MEGF8: variants seen among roughly 807,000 people sequenced by gnomAD.
MEGF8 encodes the protein multiple EGF like domains 8, also known as multiple epidermal growth factor-like domains protein 8.
A neutral mutation model predicts 302.9 loss-of-function variants in MEGF8; 156 were observed. The ratio of observed to expected loss-of-function variants is 0.52; its 90% CI spans 0.45 to 0.59. MEGF8 has a LOEUF of 0.59. Among genes scored for constraint, MEGF8 ranks in the 20% least tolerant of loss-of-function variants. MEGF8 has a pLI of 0.00. For synonymous variants in MEGF8, 1,621 were observed against 1,660.5 expected, an observed-to-expected ratio of 0.98 and a Z score of 0.58; for missense variants, 3,345 against 3,964.5, an observed-to-expected ratio of 0.84 and a Z score of 4.20.
In MEGF8 at chr19:42,350,341, GC is replaced by G; in HGVS notation, c.2696del (p.Pro899HisfsTer42). The G allele has an allele frequency of 6.2e-7, 1 of 1,603,044 alleles. No homozygotes were observed. On this transcript the variant is annotated frameshift_variant, in exon 15 of 42. Transcript: ENST00000251268. LOFTEE classifies it high-confidence loss of function. The stretch of plus-strand genomic sequence containing the variant: ...CTGCTGGTGCTGGTGCCTACCCTCT[GC>G]CCACTCTGCGAGGAGCATCGGGACT... ...GSLLVLVPTLCPLCEEHRDCH... is the reference protein window; with the variant it reads ...GSLLVLVPTLXPLCEEHRDCH...
chr19:42,346,021 C>G (rs987234024), intron 12 of MEGF8, among the ~76,000 whole-genome samples: 2 of 152,160 alleles, frequency 1.3e-5, no homozygotes, highest in African/African-American at 2.4e-5. Context: ...CTGCCTCAGC[C>G]TGCTGAGTAG....
chr19:42,372,062 A>ACAG (rs2039699252), intron 41 of MEGF8, among the ~76,000 whole-genome samples: 1 of 149,204 alleles, frequency 6.7e-6, no homozygotes, highest in African/African-American at 2.5e-5. Context: ...AACAACAACA[A>ACAG]CAACAACAAC....
chr19:42,331,112 G>A lies in MEGF8; in HGVS notation c.188-2493G>A, dbSNP rs182502199. Among the ~76,000 whole-genome samples the A allele has an allele frequency of 1.7e-4, 26 of 152,262 alleles. 1 individual carries two copies. In the East Asian group the frequency reaches 2.5e-3, roughly 15 times the overall value. On this transcript the variant is annotated intron_variant, in intron 1 of 41. Coordinates refer to ENST00000251268, the MANE Select transcript of MEGF8 (RefSeq NM_001271938.2). Reference sequence around the variant, plus strand: ...GGTTCTGGTGAGACAGGATGAGGCCGGGCAGCCAGGGCACACTCTGGCTCT... The same window carrying A: ...GGTTCTGGTGAGACAGGATGAGGCCAGGCAGCCAGGGCACACTCTGGCTCT...
chr19:42,336,840 C>T lies in MEGF8; in HGVS notation c.1278C>T (p.Phe426=), dbSNP rs1354280298. The T allele has an allele frequency of 1.2e-6, 2 of 1,608,162 alleles. No homozygotes were observed. The highest frequency in any genetic ancestry group is 2.7e-5 in the African/African-American group (2 of 74,670). The change falls in exon 7 of 42, where the codon TTC becomes TTT. Residue 426 remains phenylalanine, a synonymous_variant. Transcript: ENST00000251268. The surrounding 1 kb of genome is among the most constrained non-coding windows in gnomAD (Gnocchi z 4.8). ...TGCGAGTGAACTCCACTGAGCTTTT[C>T]CACGTGGATCGGCATGTGTGGACGA... ...FSVRVNSTEL[F]HVDRHVWTTL...
chr19:42,361,096 G>T (rs2039525118), intron 32 of MEGF8, 90 bp downstream of exon 32: 2 of 1,348,728 alleles, frequency 1.5e-6, no homozygotes, highest in African/African-American at 2.9e-5. Flanking sequence ...GGCCTCAGGA[G>T]TATACCGTCT....
At position 42,375,638 on chromosome 19, in the gene MEGF8, C is replaced by A. The variant is rs781629694; in HGVS notation, c.7401C>A (p.Arg2467=). The A allele has an allele frequency of 8.7e-6, 14 of 1,609,078 alleles. No individual in the cohort carries two copies. In the Admixed American group the frequency reaches 2.4e-4, roughly 27 times the overall value. ...CCAACTGCTTCCATGAGCCCAAACG[C>A]CGGGCGCTAGGCCCCGGCCGCACTG... ...SQTNCFHEPK[R]RALGPGRTVL... is the part of the protein sequence containing the mutation. Residue 2467 remains arginine (R), a synonymous_variant, in exon 42 of 42, where the codon CGC becomes CGA. Coordinates refer to ENST00000251268, the MANE Select transcript of MEGF8 (RefSeq NM_001271938.2). The surrounding 1 kb of genome is among the most constrained non-coding windows in gnomAD (Gnocchi z 7.1).
intron 41 of MEGF8, among the ~76,000 whole-genome samples, chr19:42,373,735 A>G (rs1308073438): frequency 1.1e-5 from 1 of 88,472 alleles, no homozygotes; most frequent in African/African-American, 4.5e-5. Context: ...TTTTTTTGAT[A>G]CAGGGCTTAC....
At chr19:42,339,870 A>G (rs1202685341) in intron 8 of MEGF8, among the ~76,000 whole-genome samples, 1 of 152,198 alleles carries the variant, frequency 6.6e-6, no homozygotes, top group Non-Finnish European at 1.5e-5. Context: ...CATCCTGGTT[A>G]ACATGGTAAA....
At chr19:42,365,350 A>T (rs186131262) in intron 35 of MEGF8, among the ~76,000 whole-genome samples, 1 of 152,028 alleles carries the variant, frequency 6.6e-6, no homozygotes, top group African/African-American at 2.4e-5. Flanking sequence ...CAAGGGGAAG[A>T]GGTGGGGCCA....
Position 42,360,887 on chromosome 19 carries a change from G to T in MEGF8, c.5601G>T (p.Leu1867=), listed in dbSNP as rs772768540. The change falls in exon 32 of 42, where the codon CTG becomes CTT. Residue 1867 remains leucine, a synonymous_variant. Coordinates refer to ENST00000251268, the MANE Select transcript of MEGF8 (RefSeq NM_001271938.2). ...TCGGGGGAGTGGCCCTGGGCCGCCT[G>T]CTGGCACTGACCCTGCCCCCTGACC... is the stretch of plus-strand genomic sequence containing the variant. ...GGFGGVALGR[L]LALTLPPDPC... 1.2e-6 allele frequency: 2 copies of T among 1,613,456 alleles called. No individual in the cohort carries two copies. The highest frequency in any genetic ancestry group is 1.7e-6 in the Non-Finnish European group (2 of 1,179,880).
chr19:42,348,540 C>A, intron 13 of MEGF8, 68 bp downstream of exon 13: 3 of 1,374,576 alleles, frequency 2.2e-6, no homozygotes, highest in Non-Finnish European at 2.9e-6. Context: ...TGGTATAGAG[C>A]ATCTGTGGTG....
chr19:42,348,979 G>A (rs1445872733), intron 13 of MEGF8, among the ~76,000 whole-genome samples: 1 of 152,154 alleles, frequency 6.6e-6, no homozygotes, highest in Non-Finnish European at 1.5e-5. Flanking sequence ...CTTTGAAGCA[G>A]GTGAGGAAGG....
Position 42,368,450 on chromosome 19 carries a change from T to C in MEGF8, c.6274-5T>C, listed in dbSNP as rs1257834562. The stretch of plus-strand genomic sequence containing the variant: ...CTGCATCCCCATCCCCTCCCCCCCA[T>C]ACAGTGTCTGAGCCCTTCCTACCTG... On this transcript the variant is annotated splice_region_variant and splice_polypyrimidine_tract_variant and intron_variant, in intron 35 of 41. Coordinates refer to ENST00000251268, the MANE Select transcript of MEGF8 (RefSeq NM_001271938.2). This position sits in a 1 kb window ranked among gnomAD's most constrained non-coding sequence, Gnocchi z 4.9. The C allele has an allele frequency of 7.8e-7, 1 of 1,281,050 alleles. No individual in the cohort carries two copies. The highest frequency in any genetic ancestry group is 1.9e-4 in the Middle Eastern group (1 of 5,366). The allele number at this position is 1,281,050 out of a possible 1,614,324, so 79.4% of individuals were successfully genotyped here. A position where few individuals can be genotyped will look rare whatever the true frequency, so the allele number is the denominator to read the frequency against.
chr19:42,335,492 C>T (rs1474156069), intron 5 of MEGF8, 107 bp downstream of exon 5: 10 of 983,896 alleles, frequency 1.0e-5, no homozygotes, highest in Non-Finnish European at 7.7e-6. Flanking sequence ...GTTCCTGCAG[C>T]TTGATATAGG....
chr19:42,363,005 A>G, intron 34 of MEGF8, 43 bp from the exon 35 acceptor site: 4 of 1,548,352 alleles, frequency 2.6e-6, no homozygotes, highest in Non-Finnish European at 3.5e-6. Flanking sequence ...TGGGCTTGCG[A>G]TCTCCTGGGT....
chr19:42,358,040 C>A lies in MEGF8; in HGVS notation c.5012-104C>A. 8.4e-7 allele frequency: 1 copy of A among 1,186,988 alleles called. No homozygotes were observed. The highest frequency in any genetic ancestry group is 1.1e-6 in the Non-Finnish European group (1 of 887,874). 73.5% of individuals were successfully genotyped at this position (1,186,988 alleles called of 1,614,324 possible). A position where few individuals can be genotyped will look rare whatever the true frequency, so the allele number is the denominator to read the frequency against. On this transcript the variant is annotated intron_variant, in intron 28 of 41. Transcript: ENST00000251268. This position sits in a 1 kb window ranked among gnomAD's most constrained non-coding sequence, Gnocchi z 4.4. ...AGAGGGGCTCCCAGGCCTCCAGTCTCAGGGCCGGGGAAGGGAGTGGTCACC... is the reference window on the plus strand; with the variant it reads ...AGAGGGGCTCCCAGGCCTCCAGTCTAAGGGCCGGGGAAGGGAGTGGTCACC...
chr19:42,354,139 TA>T lies in MEGF8; in HGVS notation c.4011+117del. 1 of 1,341,588 alleles carries T rather than the reference TA, an allele frequency of 7.5e-7. No individual in the cohort carries two copies. The highest frequency in any genetic ancestry group is 2.8e-5 in the Admixed American group (1 of 35,788). 83.1% of individuals were successfully genotyped at this position (1,341,588 alleles called of 1,614,324 possible). On this transcript the variant is annotated intron_variant, in intron 22 of 41. Coordinates refer to ENST00000251268, the MANE Select transcript of MEGF8 (RefSeq NM_001271938.2). This position sits in a 1 kb window ranked among gnomAD's most constrained non-coding sequence, Gnocchi z 4.3. The stretch of plus-strand genomic sequence containing the variant: ...TGCTGTTTTTTTTTTTTTGTTTTTT[TA>T]ATCCTTCAAAACCCAAACTCCTCCT...
Position 42,352,661 on chromosome 19 carries a change from A to G in MEGF8, c.3350+205A>G, listed in dbSNP as rs1447221539. ...TGGTTACCATGGAAATGGGGCACCC[A>G]TAGGCTGTGGGCCATAGTCTTCAGC... On this transcript the variant is annotated intron_variant, in intron 19 of 41. Coordinates refer to ENST00000251268, the MANE Select transcript of MEGF8 (RefSeq NM_001271938.2). The surrounding 1 kb of genome is among the most constrained non-coding windows in gnomAD (Gnocchi z 4.4). The G allele has an allele frequency of 1.4e-6, 1 of 719,764 alleles. No individual in the cohort carries two copies. Among genetic ancestry groups the G allele is most frequent in the South Asian group, 1.9e-5 (1 of 52,750 alleles). 44.6% of individuals were successfully genotyped at this position (719,764 alleles called of 1,614,324 possible).
In MEGF8 at chr19:42,358,168, A is replaced by G; in HGVS notation, c.5036A>G (p.Tyr1679Cys). 1 of 1,596,904 alleles carries G rather than the reference A, an allele frequency of 6.3e-7. No homozygotes were observed. The highest frequency in any genetic ancestry group is 1.3e-5 in the African/African-American group (1 of 74,510). Residue 1679 changes from tyrosine (Y) to cysteine (C), a missense_variant, in exon 29 of 42, where the codon TAC becomes TGC. Transcript: ENST00000251268. The surrounding 1 kb of genome is among the most constrained non-coding windows in gnomAD (Gnocchi z 4.4). ...PTGLYGHSAV[Y>C]HEATDSLYVF... The stretch of plus-strand genomic sequence containing the variant: ...GGTCTCTATGGTCACTCTGCTGTCT[A>G]CCACGAGGCCACCGACTCCCTCTAC...
Sources: allele counts gnomAD v4.1 joint callset (sites outside exome capture counted in the v4.1 genomes callset), GRCh38; gene constraint gnomAD v4.1.1; non-coding constraint Gnocchi (gnomAD v3.1); transcripts MANE v1.5; gene names NCBI Gene and HGNC (gene_info 2026-07-23, HGNC 2026-07-21).